ARHGAP24: variants seen among roughly 807,000 people sequenced by gnomAD.
ARHGAP24 encodes the protein rho GTPase-activating protein 24.
A neutral mutation model predicts 76.4 loss-of-function variants in ARHGAP24; 50 were observed. The ratio of observed to expected loss-of-function variants is 0.65; its 90% CI spans 0.52 to 0.83. The LOEUF is 0.83. Among genes scored for constraint, ARHGAP24 ranks in the 40% least tolerant of loss-of-function variants. The pLI is 0.00. For missense variants in ARHGAP24, 930 were observed against 914.2 expected, an observed-to-expected ratio of 1.02 and a Z score of -0.22; for synonymous variants, 345 against 323.3, an observed-to-expected ratio of 1.07 and a Z score of -0.72.
At chr4:85,887,250 C>A (rs1733615185) in intron 3 of ARHGAP24, among the ~76,000 whole-genome samples, 1 of 152,010 alleles carries the variant, frequency 6.6e-6, no homozygotes, top group South Asian at 2.1e-4. Context: ...TAAAAGGAAT[C>A]CTCTAACATT....
chr4:85,881,779 G>A (rs756616754), intron 3 of ARHGAP24, among the ~76,000 whole-genome samples: 3 of 152,134 alleles, frequency 2.0e-5, no homozygotes, highest in African/African-American at 2.4e-5. Flanking sequence ...ATTTGCTGCA[G>A]CTCCTGTTCC....
At chr4:85,652,448 A>G (rs1317311509) in intron 2 of ARHGAP24, among the ~76,000 whole-genome samples, 1 of 152,198 alleles carries the variant, frequency 6.6e-6, no homozygotes, top group African/African-American at 2.4e-5. Flanking sequence ...GGCTTTCAAG[A>G]TAATTAAGAT....
At chr4:85,823,909 A>T (rs528315215) in intron 3 of ARHGAP24, among the ~76,000 whole-genome samples, 122 of 148,492 alleles carry the variant, frequency 8.2e-4, no homozygotes, top group African/African-American at 2.8e-3. Flanking sequence ...TTTTTCTGAA[A>T]CCACTTAAAT....
intron 1 of ARHGAP24, among the ~76,000 whole-genome samples, chr4:85,485,756 A>G (rs890858868): frequency 4.4e-5 from 6 of 137,654 alleles, no homozygotes; most frequent in African/African-American, 1.4e-4. Context: ...TTTTTTTTTG[A>G]GACAGTCTCA....
chr4:85,945,663 G>A (rs192861434), intron 5 of ARHGAP24, among the ~76,000 whole-genome samples: 1 of 151,352 alleles, frequency 6.6e-6, no homozygotes, highest in Non-Finnish European at 1.5e-5. Context: ...GGAAGGTAGA[G>A]GCAGGAGAAT....
intron 2 of ARHGAP24, among the ~76,000 whole-genome samples, chr4:85,685,925 G>T (rs910281269): frequency 5.3e-5 from 8 of 152,230 alleles, no homozygotes; most frequent in African/African-American, 1.9e-4. Context: ...AGGGTGGATT[G>T]GTAGTGGATT....
chr4:85,771,640 A>C (rs1727132957), intron 3 of ARHGAP24, among the ~76,000 whole-genome samples: 1 of 152,216 alleles, frequency 6.6e-6, no homozygotes, highest in Non-Finnish European at 1.5e-5. Flanking sequence ...ATTATCTGTG[A>C]ATGTCTTCTA....
In ARHGAP24 at chr4:85,849,983, C is replaced by T. The variant is rs1285886675; in HGVS notation, c.269-73665C>T. ...CTCATAAAATGAGTTAGGGAGGATT[C>T]TCTCTTTTTCTGTTGATTGGAATAG... On this transcript the variant is annotated intron_variant, in intron 3 of 9. Coordinates refer to ENST00000395184, the MANE Select transcript of ARHGAP24 (RefSeq NM_001025616.3). Among the ~76,000 whole-genome samples the T allele has an allele frequency of 4.6e-5, 7 of 152,096 alleles. No individual in the cohort carries two copies. In the East Asian group the frequency reaches 1.4e-3, roughly 29 times the overall value.
chr4:85,498,280 A>G (rs2110097577), intron 1 of ARHGAP24, among the ~76,000 whole-genome samples: 1 of 152,254 alleles, frequency 6.6e-6, no homozygotes, highest in African/African-American at 2.4e-5. Context: ...CCTAACATCA[A>G]ATTATGATGT....
chr4:85,766,261 A>G (rs180671048), intron 3 of ARHGAP24, among the ~76,000 whole-genome samples: 59 of 152,280 alleles, frequency 3.9e-4, no homozygotes, highest in Non-Finnish European at 1.0e-4. Flanking sequence ...CATAAAAAAG[A>G]AAAGATAGAG....
chr4:85,854,479 A>T (rs1731442829), intron 3 of ARHGAP24, among the ~76,000 whole-genome samples: 1 of 152,228 alleles, frequency 6.6e-6, no homozygotes, highest in African/African-American at 2.4e-5. Context: ...TCTTCCTTTT[A>T]AACTACTTGA....
In ARHGAP24 at chr4:85,848,954, T is replaced by G. The variant is rs183269840; in HGVS notation, c.269-74694T>G. ...GGCTCTTTTTTGGTTCCATATGAAC[T>G]TTAAAGTAGTTTTTTCCAATTCTGT... On this transcript the variant is annotated intron_variant, in intron 3 of 9. Coordinates refer to ENST00000395184, the MANE Select transcript of ARHGAP24 (RefSeq NM_001025616.3). Among the ~76,000 whole-genome samples the G allele has an allele frequency of 1.1e-3, 168 of 152,168 alleles. 4 individuals are homozygous for G. The East Asian group carries it at 0.016, about 14-fold the overall frequency.
intron 5 of ARHGAP24, among the ~76,000 whole-genome samples, chr4:85,944,074 C>A (rs1318469993): frequency 6.6e-6 from 1 of 152,126 alleles, no homozygotes; most frequent in East Asian, 1.9e-4. Flanking sequence ...ACATTCCCAC[C>A]AACAGTGTAA....
chr4:85,830,879 C>T (rs1053874614), intron 3 of ARHGAP24, among the ~76,000 whole-genome samples: 8 of 152,002 alleles, frequency 5.3e-5, no homozygotes, highest in South Asian at 4.2e-4. Context: ...GGTGATTCTC[C>T]GTTGGAAACA....
At chr4:85,644,655 A>G (rs1721656388) in intron 2 of ARHGAP24, among the ~76,000 whole-genome samples, 1 of 152,156 alleles carries the variant, frequency 6.6e-6, no homozygotes, top group African/African-American at 2.4e-5. Context: ...TGGAGCTTCA[A>G]GAAATACTAA....
chr4:85,487,292 A>G (rs1445299688), intron 1 of ARHGAP24, among the ~76,000 whole-genome samples: 1 of 121,994 alleles, frequency 8.2e-6, no homozygotes, highest in East Asian at 2.2e-4. Context: ...ATATATAGTA[A>G]ATATATATAT....
chr4:85,873,056 A>T (rs1256857017), intron 3 of ARHGAP24, among the ~76,000 whole-genome samples: 1 of 152,186 alleles, frequency 6.6e-6, no homozygotes, highest in Non-Finnish European at 1.5e-5. Flanking sequence ...TCAGTGTTAG[A>T]TACAAAAAGG....
chr4:85,826,694 T>C (rs1729727402), intron 3 of ARHGAP24, among the ~76,000 whole-genome samples: 1 of 152,156 alleles, frequency 6.6e-6, no homozygotes, highest in African/African-American at 2.4e-5. Flanking sequence ...TCTGTCCCAT[T>C]TCACCCTGAT....
intron 3 of ARHGAP24, among the ~76,000 whole-genome samples, chr4:85,821,178 A>G (rs1729453369): frequency 6.6e-6 from 1 of 152,132 alleles, no homozygotes; most frequent in Admixed American, 6.5e-5. Context: ...TATGCAGGTA[A>G]ATAGGCATAC....
Sources: allele counts gnomAD v4.1 joint callset (sites outside exome capture counted in the v4.1 genomes callset), GRCh38; gene constraint gnomAD v4.1.1; transcripts MANE v1.5; gene names NCBI Gene and HGNC (gene_info 2026-07-23, HGNC 2026-07-21).